FGFR1OP2: variants seen among roughly 807,000 people sequenced by gnomAD.
FGFR1OP2 encodes FGFR1 oncogene partner 2.
In FGFR1OP2, 17 loss-of-function variants were observed where a neutral mutation model predicts 35.2. The ratio of observed to expected loss-of-function variants is 0.48; its 90% CI spans 0.33 to 0.73. FGFR1OP2 has a LOEUF of 0.73. Ranked by LOEUF, FGFR1OP2 falls within the 30% of genes least tolerant of loss-of-function variation. FGFR1OP2 has a pLI of 0.02. For synonymous variants in FGFR1OP2, 105 were observed against 104.6 expected (o/e 1.00, Z -0.03); for missense variants, 251 against 307.3 (o/e 0.82, Z 1.37).
chr12:26,951,493 T>C (rs1435902625), intron 1 of FGFR1OP2, among the ~76,000 whole-genome samples: 1 of 152,110 alleles, frequency 6.6e-6, no homozygotes, highest in Non-Finnish European at 1.5e-5. Context: ...CTAATTTTTG[T>C]ATTTTTAGTA....
chr12:26,956,494 A>ATG, intron 2 of FGFR1OP2, 49 bp from the exon 3 acceptor site: 1 of 422,724 alleles, frequency 2.4e-6, no homozygotes, highest in South Asian at 3.6e-5. Flanking sequence ...ATATATATAT[A>ATG]TATATATTTG....
At chr12:26,940,375 T>C (rs1397513191) in intron 1 of FGFR1OP2, among the ~76,000 whole-genome samples, 1 of 152,256 alleles carries the variant, frequency 6.6e-6, no homozygotes, top group Non-Finnish European at 1.5e-5. Flanking sequence ...CTTTATACAG[T>C]TCCAAACATG....
intron 3 of FGFR1OP2, among the ~76,000 whole-genome samples, chr12:26,957,384 A>G (rs977993693): frequency 1.3e-5 from 2 of 152,214 alleles, no homozygotes; most frequent in African/African-American, 4.8e-5. Context: ...ATTGCTGTTT[A>G]GTACATCTTT....
Position 26,940,692 on chromosome 12 carries a change from T to A in FGFR1OP2, c.-15+1982T>A, listed in dbSNP as rs74978372. On this transcript the variant is annotated intron_variant, in intron 1 of 6. Transcript: ENST00000229395. Reference sequence around the variant, plus strand: ...AGTAGCCACAATATTTCTGTGTAGATGTAGTGGTAGGAGTAGTGGATTTGC... The same window carrying A: ...AGTAGCCACAATATTTCTGTGTAGAAGTAGTGGTAGGAGTAGTGGATTTGC... Among the ~76,000 whole-genome samples the A allele has an allele frequency of 2.6e-4, 39 of 152,278 alleles. No individual in the cohort carries two copies. In the East Asian group the frequency reaches 7.5e-3, roughly 29 times the overall value.
In FGFR1OP2 at chr12:26,949,488, A is replaced by G. The variant is rs961432647; in HGVS notation, c.-14-4657A>G. 2.0e-5 allele frequency among the ~76,000 whole-genome samples: 3 copies of G among 152,132 alleles called. No homozygotes were observed. In the East Asian group the frequency reaches 5.8e-4, roughly 29 times the overall value. On this transcript the variant is annotated intron_variant, in intron 1 of 6. Transcript: ENST00000229395. ...TGAAGCATGAATTAACCAGTATCCTATGCTATCCAAGGTAAGTTTTCCCAT... is the reference window on the plus strand; with the variant it reads ...TGAAGCATGAATTAACCAGTATCCTGTGCTATCCAAGGTAAGTTTTCCCAT...
At chr12:26,939,738 C>G (rs1203637847) in intron 1 of FGFR1OP2, among the ~76,000 whole-genome samples, 1 of 152,158 alleles carries the variant, frequency 6.6e-6, no homozygotes, top group Non-Finnish European at 1.5e-5. Flanking sequence ...CAATTTGAAC[C>G]TGGGTCTGTC....
chr12:26,948,513 T>A (rs1419908116), intron 1 of FGFR1OP2, among the ~76,000 whole-genome samples: 2 of 152,236 alleles, frequency 1.3e-5, no homozygotes, highest in Non-Finnish European at 2.9e-5. Flanking sequence ...CCTACAGTCA[T>A]TCAAATTGTT....
intron 1 of FGFR1OP2, among the ~76,000 whole-genome samples, chr12:26,943,526 A>C (rs1029869288): frequency 2.0e-5 from 3 of 152,156 alleles, no homozygotes; most frequent in Non-Finnish European, 4.4e-5. Flanking sequence ...CAACAGTTAC[A>C]GAAAACTTGA....
At chr12:26,942,944 T>C (rs1297418557) in intron 1 of FGFR1OP2, among the ~76,000 whole-genome samples, 2 of 152,162 alleles carry the variant, frequency 1.3e-5, no homozygotes, top group African/African-American at 4.8e-5. Flanking sequence ...AGTTTGTGAT[T>C]TTGATGAGGT....
At chr12:26,950,588 G>A (rs1938912177) in intron 1 of FGFR1OP2, among the ~76,000 whole-genome samples, 1 of 152,142 alleles carries the variant, frequency 6.6e-6, no homozygotes, top group Non-Finnish European at 1.5e-5. Flanking sequence ...TTTCAGAGAA[G>A]TGGATTATTC....
intron 1 of FGFR1OP2, among the ~76,000 whole-genome samples, chr12:26,950,950 G>A (rs1411964073): frequency 1.3e-5 from 2 of 152,208 alleles, no homozygotes; most frequent in African/African-American, 2.4e-5. Context: ...GAAAAAGAGA[G>A]AGTAGCAATA....
At chr12:26,943,756 C>T (rs993019738) in intron 1 of FGFR1OP2, among the ~76,000 whole-genome samples, 1 of 152,114 alleles carries the variant, frequency 6.6e-6, no homozygotes, top group African/African-American at 2.4e-5. Flanking sequence ...ACCCAGGAGG[C>T]GGAGGTTCCA....
chr12:26,944,769 T>G (rs1228404578), intron 1 of FGFR1OP2, among the ~76,000 whole-genome samples: 1 of 152,224 alleles, frequency 6.6e-6, no homozygotes, highest in Admixed American at 6.5e-5. Flanking sequence ...TTTTAAGAGA[T>G]TGTATAATAA....
chr12:26,949,352 G>A (rs1175955836), intron 1 of FGFR1OP2, among the ~76,000 whole-genome samples: 3 of 151,876 alleles, frequency 2.0e-5, no homozygotes, highest in African/African-American at 2.4e-5. Flanking sequence ...GGCTGGTCGC[G>A]AACTCCTGAC....
At chr12:26,963,651 T>C (rs1310775505) in intron 6 of FGFR1OP2, among the ~76,000 whole-genome samples, 196 bp downstream of exon 6, 1 of 152,192 alleles carries the variant, frequency 6.6e-6, no homozygotes, top group Non-Finnish European at 1.5e-5. Flanking sequence ...TAACTTACAA[T>C]ATACCAGTAA....
At chr12:26,953,315 T>TAA (rs1555211701) in intron 1 of FGFR1OP2, among the ~76,000 whole-genome samples, 2 of 134,362 alleles carry the variant, frequency 1.5e-5, no homozygotes, top group East Asian at 4.3e-4. Flanking sequence ...TCAAGGAGGG[T>TAA]AAGTGTAAGT....
At chr12:26,944,757 T>G (rs1938794224) in intron 1 of FGFR1OP2, among the ~76,000 whole-genome samples, 1 of 152,202 alleles carries the variant, frequency 6.6e-6, no homozygotes, top group Non-Finnish European at 1.5e-5. Flanking sequence ...TTTCTATTAT[T>G]TTTTTAAGAG....
chr12:26,957,492 C>A, intron 3 of FGFR1OP2, 109 bp from the exon 4 acceptor site: 3 of 898,688 alleles, frequency 3.3e-6, no homozygotes, highest in Non-Finnish European at 5.0e-6. Flanking sequence ...GATTTTTGTG[C>A]ATTGTGTTTT....
chr12:26,960,516 T>A lies in FGFR1OP2; in HGVS notation c.398T>A (p.Ile133Asn). The A allele has an allele frequency of 2.5e-6, 4 of 1,610,114 alleles. No individual in the cohort carries two copies. Among genetic ancestry groups the A allele is most frequent in the Non-Finnish European group, 3.4e-6 (4 of 1,176,896 alleles). Reference sequence around the variant, plus strand: ...CATTATAATGACTCTATACTACAGATTGACATGGTACATCGTAACAAGTCC... The same window carrying A: ...CATTATAATGACTCTATACTACAGAATGACATGGTACATCGTAACAAGTCC... ...IMKLKEQHSKIDMVHRNKSEG... is the reference protein window; with the variant it reads ...IMKLKEQHSKNDMVHRNKSEG... The change falls in exon 5 of 7, where the codon ATT (isoleucine) becomes AAT (asparagine). Residue 133 changes from isoleucine to asparagine, a missense_variant and splice_region_variant. Physicochemically the swap from Ile to Asn is moderately radical, Grantham distance 149. Coordinates refer to ENST00000229395, the MANE Select transcript of FGFR1OP2 (RefSeq NM_015633.3).
Sources: gnomAD v4.1 joint callset for allele counts (sites outside exome capture counted in the v4.1 genomes callset) on GRCh38, gnomAD v4.1.1 for gene constraint, MANE v1.5 for transcripts, NCBI Gene and HGNC (gene_info 2026-07-23, HGNC 2026-07-21) for gene names.